Variants in PROX1 observed in about 807,000 individuals in gnomAD.
PROX1 encodes the protein prospero homeobox 1, also known as prospero homeobox protein 1.
PROX1 carries 7 observed loss-of-function variants against 58.8 expected under a neutral mutation model. That is an observed-to-expected ratio of 0.12 (90% CI 0.07 to 0.22). The LOEUF (loss-of-function observed/expected upper bound fraction) is 0.22. Among genes scored for constraint, PROX1 ranks in the 10% least tolerant of loss-of-function variants. The pLI is 1.00. For missense variants in PROX1, 675 were observed against 927.8 expected, an observed-to-expected ratio of 0.73 and a Z score of 3.54; for synonymous variants, 350 against 358.3, an observed-to-expected ratio of 0.98 and a Z score of 0.26.
intron 4 of PROX1, among the ~76,000 whole-genome samples, chr1:214,027,657 C>T (rs1255901508): frequency 6.6e-6 from 1 of 152,132 alleles, no homozygotes; most frequent in Non-Finnish European, 1.5e-5. Context: ...ACTTTTCAAA[C>T]CCTGGTTGCA....
intron 4 of PROX1, among the ~76,000 whole-genome samples, chr1:214,035,309 G>T (rs999921157): frequency 8.5e-5 from 13 of 152,180 alleles, no homozygotes; most frequent in African/African-American, 3.1e-4. Flanking sequence ...AAAATAATTG[G>T]AGACTTTCTT....
chr1:213,995,749 A>G (rs1404151719), intron 1 of PROX1, among the ~76,000 whole-genome samples: 3 of 152,218 alleles, frequency 2.0e-5, no homozygotes, highest in Non-Finnish European at 4.4e-5. Flanking sequence ...ATTAAGATAT[A>G]TCAACAGATA....
intron 4 of PROX1, among the ~76,000 whole-genome samples, chr1:214,018,594 G>A (rs560776747): frequency 2.0e-5 from 3 of 152,250 alleles, no homozygotes; most frequent in Middle Eastern, 3.4e-3. Flanking sequence ...TGTTAAATAG[G>A]GTGAAGCCAA....
upstream of PROX1, chr1:213,985,265 A>G (rs892131915): frequency 2.0e-5 from 3 of 152,200 alleles, no homozygotes; most frequent in African/African-American, 7.2e-5. Flanking sequence ...CCTATCAGAA[A>G]ACAAAGCGGG....
In PROX1 at chr1:213,998,708, A is replaced by G. The variant is rs145074360; in HGVS notation, c.1725+448A>G. Among the ~76,000 whole-genome samples the G allele has an allele frequency of 4.3e-3, 655 of 152,318 alleles. 7 individuals carry two copies. The highest frequency in any genetic ancestry group is 0.01 in the Middle Eastern group (3 of 294). ...AGAAAAGTCAGTTTTCAGATCCCTAAGATCCCATAAGAAGAATTCTCAGTG... is the reference window on the plus strand; with the variant it reads ...AGAAAAGTCAGTTTTCAGATCCCTAGGATCCCATAAGAAGAATTCTCAGTG... On this transcript the variant is annotated intron_variant, in intron 2 of 4. Transcript: ENST00000366958.
At chr1:214,028,192 C>T (rs1334862408) in intron 4 of PROX1, among the ~76,000 whole-genome samples, 1 of 152,004 alleles carries the variant, frequency 6.6e-6, no homozygotes, top group Middle Eastern at 3.2e-3. Context: ...GGCAGGCACC[C>T]GAAAGCAACT....
At chr1:214,003,714 G>T (rs1438528002) in intron 2 of PROX1, among the ~76,000 whole-genome samples, 1 of 152,152 alleles carries the variant, frequency 6.6e-6, no homozygotes, top group East Asian at 1.9e-4. Context: ...AAAATTGCAT[G>T]GGATATTAAA....
rs1353578851 is a variant in PROX1, at chr1:213,997,357, G to C, written c.822G>C (p.Leu274=). Residue 274 remains leucine (L), a synonymous_variant, in exon 2 of 5, where the codon CTG becomes CTC. Coordinates refer to ENST00000366958, the MANE Select transcript of PROX1 (RefSeq NM_001270616.2). This position sits in a 1 kb window ranked among gnomAD's most constrained non-coding sequence, Gnocchi z 7.1. The part of the protein sequence containing the change: ...TDSENDEDGN[L]SEDSMRSEIL... ...CGGAAAATGATGAAGATGGTAACCT[G>C]TCTGAAGACAGCATGCGCTCGGAGA... The C allele has an allele frequency of 1.2e-6, 2 of 1,614,144 alleles. No homozygotes were observed. The highest frequency in any genetic ancestry group is 3.3e-5 in the Admixed American group (2 of 60,014).
At chr1:214,032,408 T>C (rs78030033) in intron 4 of PROX1, among the ~76,000 whole-genome samples, 1 of 151,716 alleles carries the variant, frequency 6.6e-6, no homozygotes, top group Non-Finnish European at 1.5e-5. Context: ...TTTTTTTTTT[T>C]ATTTTTGAGA....
intron 3 of PROX1, among the ~76,000 whole-genome samples, chr1:214,009,565 G>A (rs570273028): frequency 1.7e-4 from 26 of 152,180 alleles, no homozygotes; most frequent in African/African-American, 5.1e-4. Context: ...TGGTCATTTC[G>A]CTTGCCTCAT....
intron 1 of PROX1, among the ~76,000 whole-genome samples, chr1:213,994,573 G>A (rs113210668): frequency 0.013 from 2,034 of 151,436 alleles, 50 homozygotes; most frequent in African/African-American, 0.047. Context: ...TGTAGTATTT[G>A]TCACTGCATT....
In PROX1 at chr1:214,003,753, A is replaced by C. The variant is rs140095997; in HGVS notation, c.1726-1412A>C. ...AATGTTAATTGAACAAATTCTCAGC[A>C]GAATATTTGGTTAAACACCCTGTTA... On this transcript the variant is annotated intron_variant, in intron 2 of 4. Transcript: ENST00000366958. Among the ~76,000 whole-genome samples, 463 of 152,380 alleles carry C rather than the reference A, an allele frequency of 3.0e-3. 2 individuals carry two copies. Among genetic ancestry groups the C allele is most frequent in the African/African-American group, 0.011 (444 of 41,592 alleles).
At chr1:214,009,354 CT>C (rs1663828073) in intron 3 of PROX1, among the ~76,000 whole-genome samples, 1 of 152,144 alleles carries the variant, frequency 6.6e-6, no homozygotes. Context: ...CAGAGCTTTC[CT>C]TTATAGAACA....
At chr1:213,989,094 C>T (rs935721294) in intron 1 of PROX1, among the ~76,000 whole-genome samples, 5 of 152,116 alleles carry the variant, frequency 3.3e-5, no homozygotes, top group South Asian at 4.1e-4. Context: ...CATTTGCATA[C>T]CTTTCACTTC....
At chr1:214,013,920 A>C (rs1571825524) in intron 4 of PROX1, among the ~76,000 whole-genome samples, 1 of 152,286 alleles carries the variant, frequency 6.6e-6, no homozygotes, top group Non-Finnish European at 1.5e-5. Flanking sequence ...AAAAGAAGGG[A>C]AGAAAGCAGG....
At chr1:214,011,233 A>T (rs1267463296) in intron 3 of PROX1, among the ~76,000 whole-genome samples, 2 of 152,220 alleles carry the variant, frequency 1.3e-5, no homozygotes, top group Non-Finnish European at 2.9e-5. Context: ...GATGAAGAAC[A>T]ATGGTTAAAA....
At chr1:213,999,255 A>T (rs1663403727) in intron 2 of PROX1, among the ~76,000 whole-genome samples, 1 of 152,018 alleles carries the variant, frequency 6.6e-6, no homozygotes, top group East Asian at 1.9e-4. Context: ...TAAATTTTTT[A>T]AAAATCTTGT....
intron 4 of PROX1, among the ~76,000 whole-genome samples, chr1:214,024,485 T>C (rs1664386443): frequency 6.6e-6 from 1 of 152,162 alleles, no homozygotes; most frequent in Non-Finnish European, 1.5e-5. Flanking sequence ...CCCCATGAAC[T>C]TGTGTTCTCT....
Position 214,011,732 on chromosome 1 carries a change from A to AT in PROX1, c.2028+23dup. 6.5e-7 allele frequency: 1 copy of AT among 1,532,878 alleles called. No individual in the cohort carries two copies. Among genetic ancestry groups the AT allele is most frequent in the South Asian group, 1.2e-5 (1 of 80,426 alleles). The allele number at this position is 1,532,878 out of a possible 1,614,324, so 95.0% of individuals were successfully genotyped here. On this transcript the variant is annotated intron_variant, in intron 4 of 4. Coordinates refer to ENST00000366958, the MANE Select transcript of PROX1 (RefSeq NM_001270616.2). The stretch of plus-strand genomic sequence containing the variant: ...GACTTTGAGGTAGGAACTAATCTTT[A>AT]TTTTTTGGTCATCTCCCTTTTCCTT...
Sources: gnomAD v4.1 joint callset for allele counts (sites outside exome capture counted in the v4.1 genomes callset) on GRCh38, gnomAD v4.1.1 for gene constraint, Gnocchi (gnomAD v3.1) non-coding constraint, MANE v1.5 for transcripts, NCBI Gene and HGNC (gene_info 2026-07-23, HGNC 2026-07-21) for gene names.